Variants in MCTP1 observed in about 807,000 individuals in gnomAD.
MCTP1 encodes multiple C2 and transmembrane domain-containing protein 1.
Under a neutral mutation model 120.6 loss-of-function variants are expected in MCTP1, and 69 were observed. That is an observed-to-expected ratio of 0.57 (90% CI 0.47 to 0.70). The LOEUF is 0.70. Ranked by LOEUF, MCTP1 falls within the 30% of genes least tolerant of loss-of-function variation. The pLI is 0.00. For missense variants in MCTP1, 1,203 were observed against 1,248.8 expected, an observed-to-expected ratio of 0.96 and a Z score of 0.55; for synonymous variants, 529 against 493.1, an observed-to-expected ratio of 1.07 and a Z score of -0.96.
chr5:94,988,222 A>C (rs780395491), intron 2 of MCTP1, among the ~76,000 whole-genome samples: 2 of 152,180 alleles, frequency 1.3e-5, no homozygotes, highest in Non-Finnish European at 2.9e-5. Flanking sequence ...TGAATACTAT[A>C]CTAAAAGCAC....
intron 1 of MCTP1, among the ~76,000 whole-genome samples, chr5:95,200,721 G>A (rs1416994979): frequency 1.3e-5 from 2 of 152,092 alleles, no homozygotes; most frequent in African/African-American, 2.4e-5. Context: ...TAAGTTTAAG[G>A]GATCTATTAT....
chr5:94,764,892 T>C (rs2152866969), intron 19 of MCTP1, among the ~76,000 whole-genome samples: 1 of 145,578 alleles, frequency 6.9e-6, no homozygotes, highest in African/African-American at 2.6e-5. Context: ...GTAGACCAAA[T>C]GGACCTAACA....
At chr5:95,015,770 A>G (rs72777380) in intron 2 of MCTP1, among the ~76,000 whole-genome samples, 8,880 of 152,120 alleles carry the variant, frequency 0.058, 325 homozygotes, top group Middle Eastern at 0.092. Flanking sequence ...AGTTTATTCA[A>G]CCACTCCCCT....
At chr5:94,866,777 C>CA (rs549468571) in intron 17 of MCTP1, among the ~76,000 whole-genome samples, 12 of 149,748 alleles carry the variant, frequency 8.0e-5, no homozygotes, top group Non-Finnish European at 1.3e-4. Flanking sequence ...AAGGAAATTG[C>CA]AAAAAAAAGG....
At chr5:95,031,999 G>C (rs1251819785) in intron 1 of MCTP1, among the ~76,000 whole-genome samples, 1 of 151,964 alleles carries the variant, frequency 6.6e-6, no homozygotes, top group African/African-American at 2.4e-5. Context: ...ACAAATAAGG[G>C]CATTATGTAA....
At chr5:95,257,614 C>T (rs907513811) in intron 1 of MCTP1, among the ~76,000 whole-genome samples, 1 of 152,046 alleles carries the variant, frequency 6.6e-6, no homozygotes, top group Admixed American at 6.5e-5. Context: ...ATTAAAAATG[C>T]TTCCCAATAG....
intron 19 of MCTP1, among the ~76,000 whole-genome samples, chr5:94,755,891 CTAGAATACCT>C (rs1426139348): frequency 1.6e-4 from 25 of 152,156 alleles, no homozygotes; most frequent in African/African-American, 6.0e-4. Context: ...CTACCATCTG[CTAGAATACCT>C]TATTCGATGT....
At chr5:94,941,164 A>G (rs912841739) in intron 4 of MCTP1, among the ~76,000 whole-genome samples, 1 of 152,020 alleles carries the variant, frequency 6.6e-6, no homozygotes, top group African/African-American at 2.4e-5. Flanking sequence ...GATTAAGTCT[A>G]GTCACTTGAT....
intron 1 of MCTP1, among the ~76,000 whole-genome samples, chr5:95,176,857 T>A (rs1021287599): frequency 2.6e-5 from 4 of 151,634 alleles, no homozygotes; most frequent in Admixed American, 6.6e-5. Flanking sequence ...AAAATAAAAA[T>A]ATATATATAC....
At chr5:94,749,334 A>G (rs11960129) in intron 19 of MCTP1, among the ~76,000 whole-genome samples, 37,542 of 152,038 alleles carry the variant, frequency 0.25, 4,963 homozygotes, top group Non-Finnish European at 0.28. Context: ...CCTGGAACCT[A>G]CTTTTGAAGA....
intron 19 of MCTP1, among the ~76,000 whole-genome samples, chr5:94,768,337 TG>T (rs1328934823): frequency 6.6e-6 from 1 of 152,124 alleles, no homozygotes; most frequent in Non-Finnish European, 1.5e-5. Context: ...ATCAGGACAT[TG>T]GTCTAGGCAA....
intron 18 of MCTP1, among the ~76,000 whole-genome samples, chr5:94,783,334 T>C (rs1292463502): frequency 2.0e-5 from 3 of 152,120 alleles, no homozygotes; most frequent in Non-Finnish European, 4.4e-5. Flanking sequence ...ATTTAAAAAA[T>C]ACATTTCCAA....
At chr5:95,206,037 T>C (rs1296415158) in intron 1 of MCTP1, among the ~76,000 whole-genome samples, 13 of 152,222 alleles carry the variant, frequency 8.5e-5, no homozygotes, top group Admixed American at 8.5e-4. Flanking sequence ...CTCCTGGTTA[T>C]ATGCCCAAGA....
intron 9 of MCTP1, among the ~76,000 whole-genome samples, chr5:94,910,181 T>C (rs1307379754): frequency 6.7e-6 from 1 of 148,418 alleles, no homozygotes; most frequent in African/African-American, 2.5e-5. Context: ...TACATATATG[T>C]ATGTGTGCAT....
intron 1 of MCTP1, among the ~76,000 whole-genome samples, chr5:95,264,032 G>A (rs372546587): frequency 5.3e-5 from 8 of 152,192 alleles, no homozygotes; most frequent in African/African-American, 1.9e-4. Flanking sequence ...AGTAAAAGAA[G>A]CTGAGGCAGC....
chr5:95,000,207 G>A (rs1833405627), intron 2 of MCTP1, among the ~76,000 whole-genome samples: 1 of 152,138 alleles, frequency 6.6e-6, no homozygotes, highest in Non-Finnish European at 1.5e-5. Flanking sequence ...CTACGGTGCT[G>A]CCAGTTACAT....
Position 95,038,861 on chromosome 5 carries a change from T to C in MCTP1, c.721-21377A>G, listed in dbSNP as rs78646074. Among the ~76,000 whole-genome samples, 834 of 152,308 alleles carry C rather than the reference T, an allele frequency of 5.5e-3. 6 individuals carry two copies. The highest frequency in any genetic ancestry group is 0.019 in the African/African-American group (786 of 41,574). On this transcript the variant is annotated intron_variant, in intron 1 of 22. Coordinates refer to ENST00000515393, the MANE Select transcript of MCTP1 (RefSeq NM_024717.7). ...AGGCTTGAGATTTTCTTCCAACACC[T>C]TCGTAAAACTAACTTTACTGCCTCA...
chr5:94,714,126 G>A (rs749059486), intron 20 of MCTP1, among the ~76,000 whole-genome samples: 23 of 151,972 alleles, frequency 1.5e-4, no homozygotes, highest in Admixed American at 3.3e-4. Context: ...AAACACATAC[G>A]TATATAAGAA....
intron 2 of MCTP1, among the ~76,000 whole-genome samples, chr5:94,959,038 C>A (rs756654106): frequency 8.5e-5 from 13 of 152,180 alleles, no homozygotes; most frequent in Admixed American, 8.5e-4. Context: ...ACTGGCAAAC[C>A]GAATCCAGCA....
Sources: allele counts gnomAD v4.1 joint callset (sites outside exome capture counted in the v4.1 genomes callset), GRCh38; gene constraint gnomAD v4.1.1; transcripts MANE v1.5; gene names NCBI Gene and HGNC (gene_info 2026-07-23, HGNC 2026-07-21).